The following ABCG2 variants were observed in gnomAD, a reference collection of about 807,000 sequenced individuals.
The protein encoded by ABCG2 is broad substrate specificity ATP-binding cassette transporter ABCG2.
Under a neutral mutation model 73.5 loss-of-function variants are expected in ABCG2, and 80 were observed. That is an observed-to-expected ratio of 1.09 (90% confidence interval 0.91 to 1.31). The LOEUF (loss-of-function observed/expected upper bound fraction) is 1.31, where lower values mean the gene tolerates loss of function less well. Ranked by LOEUF, ABCG2 falls within the 50% of genes most tolerant of loss-of-function variation. The pLI is 0.00. For missense variants in ABCG2, 796 were observed against 786.2 expected (o/e 1.01, Z -0.15); for synonymous variants, 269 against 282.4 (o/e 0.95, Z 0.48).
In ABCG2 at chr4:88,113,382, G is replaced by T. The variant is rs758238903; in HGVS notation, c.1115C>A (p.Ser372Tyr). Residue 372 changes from serine (S) to tyrosine (Y), a missense_variant, in exon 9 of 16, where the codon TCC becomes TAC. Transcript: ENST00000237612. The part of the protein sequence containing the change: ...TVFKEISYTT[S>Y]FCHQLRWVSK... ...AACCCATCTGAGTTGATGACAGAAG[G>T]AGGTGGTGTAGCTGATCTCCTTGAA... The T allele has an allele frequency of 1.5e-5, 24 of 1,614,064 alleles. 1 individual carries two copies. The Admixed American group carries it at 3.0e-4, about 20-fold the overall frequency.
chr4:88,216,348 C>T (rs1331236660), intron 1 of ABCG2, among the ~76,000 whole-genome samples: 3 of 152,212 alleles, frequency 2.0e-5, no homozygotes, highest in African/African-American at 7.2e-5. Flanking sequence ...ATTTTTGTGC[C>T]GCGTGTACAT....
At chr4:88,117,297 G>C (rs1375926598) in intron 7 of ABCG2, among the ~76,000 whole-genome samples, 2 of 151,282 alleles carry the variant, frequency 1.3e-5, no homozygotes, top group African/African-American at 2.4e-5. Flanking sequence ...TCCAGCCTGG[G>C]TGACACAGTG....
intron 1 of ABCG2, among the ~76,000 whole-genome samples, chr4:88,144,661 G>C (rs182893994): frequency 6.6e-6 from 1 of 152,002 alleles, no homozygotes; most frequent in East Asian, 1.9e-4. Context: ...TCACCATGGT[G>C]GTCAAGGCTG....
chr4:88,143,698 A>C (rs1197975756), intron 1 of ABCG2, among the ~76,000 whole-genome samples: 1 of 152,114 alleles, frequency 6.6e-6, no homozygotes, highest in Non-Finnish European at 1.5e-5. Context: ...CTTCCTCGGG[A>C]GATACAGGGC....
intron 1 of ABCG2, among the ~76,000 whole-genome samples, chr4:88,176,450 A>T (rs915888581): frequency 6.6e-6 from 1 of 151,178 alleles, no homozygotes; most frequent in African/African-American, 2.4e-5. Context: ...GCAGATAATA[A>T]ATACAGTAAT....
chr4:88,117,969 A>G (rs1323867554), intron 7 of ABCG2, 140 bp downstream of exon 7: 4 of 797,804 alleles, frequency 5.0e-6, no homozygotes, highest in Non-Finnish European at 5.6e-6. Flanking sequence ...CTAGCACCAA[A>G]TGGAACAAAC....
rs1217789333 is a variant in ABCG2 at position 88,213,560 on chromosome 4, C to G, written c.-20+17434G>C. Reference sequence around the variant, plus strand: ...AAGTCTCATCCCCTTTTTCCTAACTCAATAACAGCACTTTTCCCCTTTCTC... The same window carrying G: ...AAGTCTCATCCCCTTTTTCCTAACTGAATAACAGCACTTTTCCCCTTTCTC... On this transcript the variant is annotated intron_variant, in intron 1 of 15. Coordinates refer to the ABCG2 transcript ENST00000515655. Among the ~76,000 whole-genome samples, 3 of 152,076 alleles carry G rather than the reference C, an allele frequency of 2.0e-5. No homozygotes were observed. The East Asian group carries it at 5.8e-4, about 29-fold the overall frequency.
Position 88,131,710 on chromosome 4 carries a change from C to G in ABCG2, c.378+93G>C. 3 of 862,636 alleles carry G rather than the reference C, an allele frequency of 3.5e-6. No individual in the cohort carries two copies. The South Asian group carries it at 4.7e-5, about 14-fold the overall frequency. 53.4% of individuals were successfully genotyped at this position (862,636 alleles called of 1,614,324 possible). ...GAACGTCAGTTCTAGGACCATGTCA[C>G]ATAATCAACTGGAAGCACATTGAAC... On this transcript the variant is annotated intron_variant, in intron 4 of 15. Transcript: ENST00000237612.
intron 1 of ABCG2, among the ~76,000 whole-genome samples, chr4:88,192,728 T>C (rs920802574): frequency 1.3e-5 from 2 of 150,366 alleles, no homozygotes; most frequent in African/African-American, 4.9e-5. Flanking sequence ...CTTTTTTTTT[T>C]TTAAACGGAG....
intron 2 of ABCG2, 87 bp downstream of exon 2, chr4:88,139,706 T>C (rs930632751): frequency 1.4e-5 from 16 of 1,113,384 alleles, no homozygotes; most frequent in Non-Finnish European, 1.8e-5. Context: ...AAAATGTTCA[T>C]AGCCAGTTTC....
intron 1 of ABCG2, among the ~76,000 whole-genome samples, chr4:88,168,959 C>T (rs894546302): frequency 6.6e-6 from 1 of 151,964 alleles, no homozygotes; most frequent in African/African-American, 2.4e-5. Context: ...AAGGTCATCA[C>T]TCCCAAAGGT....
chr4:88,182,164 A>T (rs1728279543), intron 1 of ABCG2, among the ~76,000 whole-genome samples: 1 of 152,144 alleles, frequency 6.6e-6, no homozygotes, highest in Non-Finnish European at 1.5e-5. Flanking sequence ...AAAGACCATT[A>T]TATAATGATA....
chr4:88,176,635 C>T (rs1362339086), intron 1 of ABCG2, among the ~76,000 whole-genome samples: 6 of 145,446 alleles, frequency 4.1e-5, no homozygotes, highest in Non-Finnish European at 6.0e-5. Flanking sequence ...CACATGCCAG[C>T]ACACCTGGCT....
chr4:88,176,520 A>C (rs1727987438), intron 1 of ABCG2, among the ~76,000 whole-genome samples: 1 of 122,648 alleles, frequency 8.2e-6, no homozygotes, highest in African/African-American at 3.3e-5. Context: ...TCACTGTTTC[A>C]CTCAGGTTGG....
intron 2 of ABCG2, among the ~76,000 whole-genome samples, chr4:88,137,295 A>G (rs971901769): frequency 3.3e-5 from 5 of 152,200 alleles, no homozygotes; most frequent in Non-Finnish European, 7.3e-5. Context: ...CGACTATGAT[A>G]GTGGTGGCTG....
chr4:88,166,591 C>T (rs778681924), intron 1 of ABCG2, among the ~76,000 whole-genome samples: 40 of 152,158 alleles, frequency 2.6e-4, no homozygotes, highest in Admixed American at 1.7e-3. Flanking sequence ...ACATAGAGCT[C>T]GCACAGCAAC....
chr4:88,128,223 T>A (rs892886176), intron 5 of ABCG2, among the ~76,000 whole-genome samples: 1 of 152,192 alleles, frequency 6.6e-6, no homozygotes, highest in Non-Finnish European at 1.5e-5. Context: ...CACAATAAGA[T>A]ACCATCTCAT....
chr4:88,123,147 A>G (rs1174766615), intron 5 of ABCG2, among the ~76,000 whole-genome samples: 2 of 152,216 alleles, frequency 1.3e-5, no homozygotes, highest in African/African-American at 4.8e-5. Context: ...AACAAAAAGG[A>G]AATCCACACC....
upstream of ABCG2, among the ~76,000 whole-genome samples, chr4:88,160,254 A>AAG (rs1727235036): frequency 6.6e-6 from 1 of 152,026 alleles, no homozygotes; most frequent in Non-Finnish European, 1.5e-5. Flanking sequence ...GAAAAAAAAA[A>AAG]AAATTAAGAT....
Sources: allele counts gnomAD v4.1 joint callset (sites outside exome capture counted in the v4.1 genomes callset), GRCh38; gene constraint gnomAD v4.1.1; transcripts MANE v1.5; gene names NCBI Gene and HGNC (gene_info 2026-07-23, HGNC 2026-07-21).